ZNF710: variants seen among roughly 807,000 people sequenced by gnomAD.
ZNF710 encodes zinc finger protein 710.
Under a neutral mutation model 50.6 loss-of-function variants are expected in ZNF710, and 13 were observed. The observed-to-expected ratio is 0.26, with a 90% confidence interval of 0.17 to 0.41. The LOEUF is 0.41. Among genes scored for constraint, ZNF710 ranks in the 10% least tolerant of loss-of-function variants. The pLI is 1.00. For missense variants in ZNF710, 721 were observed against 936.6 expected (o/e 0.77, Z 3.01); for synonymous variants, 383 against 397.0 (o/e 0.96, Z 0.42).
rs968937525 is a variant in ZNF710, at chr15:90,074,178, C to T, written c.1713C>T (p.Gly571=). 1.6e-5 allele frequency: 26 copies of T among 1,613,332 alleles called. No homozygotes were observed. Among genetic ancestry groups the T allele is most frequent in the Non-Finnish European group, 2.2e-5 (26 of 1,179,778 alleles). The part of the protein sequence containing the change: ...NLLGHMHLHA[G]SKPFKCPYCS... The stretch of plus-strand genomic sequence containing the variant: ...TGGGCCACATGCACCTGCACGCCGG[C>T]AGCAAGCCCTTCAAGTGCCCCTACT... Residue 571 remains glycine, a synonymous_variant, in exon 4 of 5, where the codon GGC becomes GGT. Transcript: ENST00000268154.
At chr15:90,022,208 T>A (rs141541794) in intron 1 of ZNF710, among the ~76,000 whole-genome samples, 36 of 151,354 alleles carry the variant, frequency 2.4e-4, no homozygotes, top group Non-Finnish European at 4.4e-4. Context: ...AAACCCCATC[T>A]CTACTAAAAA....
chr15:90,026,082 G>A (rs2151479540), intron 1 of ZNF710: 1 of 151,752 alleles, frequency 6.6e-6, no homozygotes, highest in East Asian at 1.9e-4. Flanking sequence ...AATGAGAGGG[G>A]AAAAAAATAG....
intron 1 of ZNF710, among the ~76,000 whole-genome samples, chr15:90,049,395 C>T (rs551179479): frequency 6.6e-6 from 1 of 152,208 alleles, no homozygotes; most frequent in African/African-American, 2.4e-5. Flanking sequence ...GTCAGTCGCA[C>T]CGCAGGCAGA....
chr15:90,065,654 T>C (rs1596054504), intron 1 of ZNF710, among the ~76,000 whole-genome samples: 1 of 152,302 alleles, frequency 6.6e-6, no homozygotes, highest in South Asian at 2.1e-4. Context: ...ACGGAGCAGG[T>C]GCCTCCATAT....
chr15:90,036,331 C>G (rs1899124556), intron 1 of ZNF710, among the ~76,000 whole-genome samples: 1 of 148,546 alleles, frequency 6.7e-6, no homozygotes, highest in South Asian at 2.1e-4. Context: ...CATTTCTCTT[C>G]CATTCACTTG....
Position 90,059,192 on chromosome 15 carries a change from G to C in ZNF710, c.-28-7918G>C, listed in dbSNP as rs1053936921. Among the ~76,000 whole-genome samples, 18 of 152,220 alleles carry C rather than the reference G, an allele frequency of 1.2e-4. No individual in the cohort carries two copies. Among genetic ancestry groups the C allele is most frequent in the Non-Finnish European group, 2.5e-4 (17 of 68,032 alleles). ...GATGGGAAATTCACCCAGTTCGAGGGAAGGGCAGTCCTGGCAGGGGAATCA... is the reference window on the plus strand; with the variant it reads ...GATGGGAAATTCACCCAGTTCGAGGCAAGGGCAGTCCTGGCAGGGGAATCA... On this transcript the variant is annotated intron_variant, in intron 1 of 4. Transcript: ENST00000268154. This position sits in a 1 kb window ranked among gnomAD's most constrained non-coding sequence, Gnocchi z 4.1.
At position 90,073,281 on chromosome 15, in the gene ZNF710, C is replaced by T. The variant is rs769057407; in HGVS notation, c.1650+19C>T. On this transcript the variant is annotated intron_variant, in intron 3 of 4. Transcript: ENST00000268154. ...ATGCAAGGTACCCGGTCATCAGGCC[C>T]CGGGGCTGGGACCTCCCCGAGGGTG... is the stretch of plus-strand genomic sequence containing the variant. 4 of 1,607,036 alleles carry T rather than the reference C, an allele frequency of 2.5e-6. No homozygotes were observed. The highest frequency in any genetic ancestry group is 4.5e-5 in the East Asian group (2 of 44,692).
chr15:90,078,810 A>C (rs939035349), intron 4 of ZNF710, among the ~76,000 whole-genome samples: 13 of 152,348 alleles, frequency 8.5e-5, no homozygotes, highest in African/African-American at 2.6e-4. Context: ...TGTTTCCCCC[A>C]AAACACGCAC....
intron 4 of ZNF710, among the ~76,000 whole-genome samples, chr15:90,078,819 A>T (rs1016008879): frequency 1.3e-5 from 2 of 152,334 alleles, no homozygotes; most frequent in African/African-American, 4.8e-5. Context: ...CAAAACACGC[A>T]CATCTCAGCG....
chr15:90,054,027 T>C (rs1201057517), intron 1 of ZNF710, among the ~76,000 whole-genome samples: 1 of 152,186 alleles, frequency 6.6e-6, no homozygotes, highest in African/African-American at 2.4e-5. Context: ...TTTTCCCTCC[T>C]TTCTTCCTTC....
At chr15:90,013,816 C>T (rs529208968) in intron 1 of ZNF710, among the ~76,000 whole-genome samples, 2 of 152,266 alleles carry the variant, frequency 1.3e-5, no homozygotes, top group South Asian at 2.1e-4. Context: ...TGAGCCTTCC[C>T]CACACCATAT....
chr15:90,020,490 C>A (rs540840401), intron 1 of ZNF710, among the ~76,000 whole-genome samples: 1 of 144,434 alleles, frequency 6.9e-6, no homozygotes, highest in African/African-American at 2.9e-5. Context: ...GCCTCCCCGC[C>A]CCCGGGGAGA....
chr15:90,026,340 G>A (rs1017496465), intron 1 of ZNF710, among the ~76,000 whole-genome samples: 26 of 148,778 alleles, frequency 1.7e-4, no homozygotes, highest in African/African-American at 6.2e-4. Flanking sequence ...TAATAGAAAC[G>A]TATGCACAAT....
chr15:90,074,925 T>A (rs1222406066), intron 4 of ZNF710: 1 of 219,704 alleles, frequency 4.6e-6, no homozygotes, highest in Non-Finnish European at 9.0e-6. Flanking sequence ...TGCCAGAGAC[T>A]ATAACCCACA....
At chr15:90,016,123 C>G (rs1898449532) in intron 1 of ZNF710, among the ~76,000 whole-genome samples, 1 of 152,074 alleles carries the variant, frequency 6.6e-6, no homozygotes, top group Non-Finnish European at 1.5e-5. Context: ...TATTTTGAAT[C>G]TTGTACCTTG....
intron 1 of ZNF710, among the ~76,000 whole-genome samples, chr15:90,041,989 C>T (rs1030039628): frequency 6.6e-6 from 1 of 151,176 alleles, no homozygotes; most frequent in African/African-American, 2.4e-5. Flanking sequence ...CCACTGCATC[C>T]CGGGTTCAAG....
In ZNF710 at chr15:90,068,277, C is replaced by T; in HGVS notation, c.1140C>T (p.Ser380=). The T allele has an allele frequency of 2.5e-6, 4 of 1,613,138 alleles. No individual in the cohort carries two copies. Among genetic ancestry groups the T allele is most frequent in the East Asian group, 2.2e-5 (1 of 44,886 alleles). The change falls in exon 2 of 5, where the codon AGC becomes AGT. Residue 380 remains serine, a synonymous_variant. Coordinates refer to ENST00000268154, the MANE Select transcript of ZNF710 (RefSeq NM_198526.4). The surrounding 1 kb of genome is among the most constrained non-coding windows in gnomAD (Gnocchi z 5.0). ...TGCACTCGGAGGTCAAGCCCTACAGCTGCCACTTCTGCGGCCGCGGCTTCG... is the reference window on the plus strand; with the variant it reads ...TGCACTCGGAGGTCAAGCCCTACAGTTGCCACTTCTGCGGCCGCGGCTTCG... ...MLLHSEVKPY[S]CHFCGRGFAY...
chr15:90,073,638 G>A (rs750359045), intron 3 of ZNF710, among the ~76,000 whole-genome samples: 1 of 152,194 alleles, frequency 6.6e-6, no homozygotes, highest in African/African-American at 2.4e-5. Context: ...TTGTGTCCCT[G>A]TCTCTCGGGT....
chr15:90,012,140 G>A lies in ZNF710; in HGVS notation c.-29+10526G>A, dbSNP rs1412085522. Among the ~76,000 whole-genome samples, 16 of 151,914 alleles carry A rather than the reference G, an allele frequency of 1.1e-4. 1 individual carries two copies. The highest frequency in any genetic ancestry group is 1.0e-3 in the Admixed American group (16 of 15,260). On this transcript the variant is annotated intron_variant, in intron 1 of 4. Transcript: ENST00000268154. ...GAATCGCTTGAACCCGGGAGGTAGAGGTTGCAGTGAGCTGAGATGGCGCTA... is the reference window on the plus strand; with the variant it reads ...GAATCGCTTGAACCCGGGAGGTAGAAGTTGCAGTGAGCTGAGATGGCGCTA...
Sources: allele counts gnomAD v4.1 joint callset (sites outside exome capture counted in the v4.1 genomes callset), GRCh38; gene constraint gnomAD v4.1.1; non-coding constraint Gnocchi (gnomAD v3.1); transcripts MANE v1.5; gene names NCBI Gene and HGNC (gene_info 2026-07-23, HGNC 2026-07-21).